Variants in PTPRM observed in about 807,000 individuals in gnomAD.
PTPRM encodes receptor-type tyrosine-protein phosphatase mu.
Under a neutral mutation model 186.7 loss-of-function variants are expected in PTPRM, and 47 were observed. That is an observed-to-expected ratio of 0.25 (90% CI 0.20 to 0.32). The LOEUF (loss-of-function observed/expected upper bound fraction) is 0.32. Among genes scored for constraint, PTPRM ranks in the 10% least tolerant of loss-of-function variants. PTPRM has a pLI of 1.00. For synonymous variants in PTPRM, 668 were observed against 674.9 expected (o/e 0.99, Z 0.16); for missense variants, 1,494 against 1,865.0 (o/e 0.80, Z 3.66).
Position 7,802,917 on chromosome 18 carries a change from C to A in PTPRM, c.196+28646C>A, listed in dbSNP as rs533184523. Among the ~76,000 whole-genome samples the A allele has an allele frequency of 2.6e-5, 4 of 152,196 alleles. No homozygotes were observed. In the Middle Eastern group the frequency reaches 0.014, roughly 518 times the overall value. ...TTACTGGGGATATAGACAAATAATT[C>A]TAATTGTATAATGGCAGTTAGAATT... On this transcript the variant is annotated intron_variant, in intron 2 of 32. Transcript: ENST00000580170.
chr18:7,879,064 A>G (rs2048373519), intron 2 of PTPRM, among the ~76,000 whole-genome samples: 1 of 152,190 alleles, frequency 6.6e-6, no homozygotes, highest in Non-Finnish European at 1.5e-5. Flanking sequence ...TACAAAGCTC[A>G]CACCTAGTAT....
At chr18:7,841,934 A>AT (rs1446073752) in intron 2 of PTPRM, among the ~76,000 whole-genome samples, 5 of 96,022 alleles carry the variant, frequency 5.2e-5, no homozygotes, top group African/African-American at 1.4e-4. Context: ...AATTTATGTT[A>AT]TTATTTTTTT....
Position 8,244,093 on chromosome 18 carries a change from G to C in PTPRM, c.2336G>C (p.Ser779Thr). 6.2e-7 allele frequency: 1 copy of C among 1,609,344 alleles called. No homozygotes were observed. Among genetic ancestry groups the C allele is most frequent in the Non-Finnish European group, 8.5e-7 (1 of 1,178,590 alleles). Residue 779 changes from serine (S) to threonine (T), a missense_variant, in exon 15 of 33, where the codon AGC becomes ACC. Coordinates refer to ENST00000580170, the MANE Select transcript of PTPRM (RefSeq NM_001105244.2). Reference sequence around the variant, plus strand: ...AAGAAGCGGAAAGAGACCATGAGCAGCACCCGACAGGAGATGACTGTGATG... The same window carrying C: ...AAGAAGCGGAAAGAGACCATGAGCACCACCCGACAGGAGATGACTGTGATG... ...LAKKRKETMS[S>T]TRQEMTVMVN...
At chr18:8,209,632 C>T (rs1010977503) in intron 14 of PTPRM, among the ~76,000 whole-genome samples, 12 of 151,958 alleles carry the variant, frequency 7.9e-5, no homozygotes, top group African/African-American at 2.7e-4. Flanking sequence ...CCGAAGGTGA[C>T]CTTATTTGGA....
chr18:8,366,644 T>C (rs999320643), intron 23 of PTPRM, among the ~76,000 whole-genome samples: 1 of 152,192 alleles, frequency 6.6e-6, no homozygotes. Flanking sequence ...CTGTGCTGTT[T>C]CGTGTTTGTG....
Position 7,914,643 on chromosome 18 carries a change from G to C in PTPRM, c.547+8060G>C, listed in dbSNP as rs547266898. Among the ~76,000 whole-genome samples, 43 of 152,198 alleles carry C rather than the reference G, an allele frequency of 2.8e-4. No individual in the cohort carries two copies. The South Asian group carries it at 8.7e-3, about 31-fold the overall frequency. The stretch of plus-strand genomic sequence containing the variant: ...TTATTATTATTAGGCACTACATTGT[G>C]ATAGACTTGCTAGAATTAGTTAGCT... On this transcript the variant is annotated intron_variant, in intron 4 of 32. Transcript: ENST00000580170.
chr18:7,666,430 A>G (rs1489853565), intron 1 of PTPRM, among the ~76,000 whole-genome samples: 1 of 152,224 alleles, frequency 6.6e-6, no homozygotes, highest in Admixed American at 6.5e-5. Context: ...AGCAGGTATC[A>G]GGGTGCTTTT....
At chr18:8,323,079 G>A (rs1401029272) in intron 22 of PTPRM, among the ~76,000 whole-genome samples, 10 of 152,022 alleles carry the variant, frequency 6.6e-5, no homozygotes, top group South Asian at 2.1e-4. Context: ...GCCTCCCACC[G>A]TGGCCTCCCA....
chr18:8,326,051 GT>G (rs1457500607), intron 22 of PTPRM, among the ~76,000 whole-genome samples: 2 of 152,120 alleles, frequency 1.3e-5, no homozygotes, highest in African/African-American at 4.8e-5. Context: ...ATTTGTTTAA[GT>G]TCCTTATAGA....
intron 5 of PTPRM, among the ~76,000 whole-genome samples, chr18:7,941,889 C>T (rs903668590): frequency 6.6e-6 from 1 of 152,116 alleles, no homozygotes; most frequent in Non-Finnish European, 1.5e-5. Context: ...AAATATGGTT[C>T]GACACTGGAG....
At chr18:7,780,302 A>G (rs2145064617) in intron 2 of PTPRM, among the ~76,000 whole-genome samples, 1 of 152,342 alleles carries the variant, frequency 6.6e-6, no homozygotes, top group African/African-American at 2.4e-5. Context: ...ACTGAAGTTC[A>G]GAAAAGGAAT....
At chr18:8,222,991 G>C (rs1011754953) in intron 14 of PTPRM, among the ~76,000 whole-genome samples, 2 of 152,118 alleles carry the variant, frequency 1.3e-5, no homozygotes, top group African/African-American at 4.8e-5. Context: ...GGGAGGCTGA[G>C]ACGGGCAGAT....
chr18:7,580,974 G>A (rs113241412), intron 1 of PTPRM, among the ~76,000 whole-genome samples: 38 of 152,284 alleles, frequency 2.5e-4, no homozygotes, highest in African/African-American at 7.9e-4. Context: ...ATTTCTTTCC[G>A]GTTCAGGGAA....
At chr18:7,984,572 C>CATATATATATATATAT (rs71354583) in intron 7 of PTPRM, among the ~76,000 whole-genome samples, 100 of 88,618 alleles carry the variant, frequency 1.1e-3, no homozygotes, top group Middle Eastern at 5.2e-3. Flanking sequence ...ATATATGCCC[C>CATATATATATATATAT]ATATATATAT....
At chr18:7,691,377 A>G (rs571460704) in intron 1 of PTPRM, among the ~76,000 whole-genome samples, 3 of 152,282 alleles carry the variant, frequency 2.0e-5, no homozygotes, top group African/African-American at 4.8e-5. Flanking sequence ...AGGAGACACC[A>G]TGTCTTAATT....
At chr18:8,232,354 T>C (rs1374902127) in intron 14 of PTPRM, among the ~76,000 whole-genome samples, 1 of 152,230 alleles carries the variant, frequency 6.6e-6, no homozygotes, top group Non-Finnish European at 1.5e-5. Context: ...CATTCACCTA[T>C]TGAAGGACAG....
At chr18:8,339,405 A>G (rs1891532165) in intron 22 of PTPRM, among the ~76,000 whole-genome samples, 1 of 152,162 alleles carries the variant, frequency 6.6e-6, no homozygotes, top group Admixed American at 6.5e-5. Context: ...TTGTGCAAAC[A>G]TCTGTAAACG....
intron 1 of PTPRM, among the ~76,000 whole-genome samples, chr18:7,732,477 A>G (rs2040680757): frequency 6.6e-6 from 1 of 152,194 alleles, no homozygotes; most frequent in Non-Finnish European, 1.5e-5. Context: ...ATCTTAATAA[A>G]TTATAATATT....
At chr18:8,387,868 G>A (rs1264308336) in intron 31 of PTPRM, among the ~76,000 whole-genome samples, 2 of 151,850 alleles carry the variant, frequency 1.3e-5, no homozygotes, top group Non-Finnish European at 2.9e-5. Flanking sequence ...TTTTGCAGGT[G>A]CTAAATATGG....
Sources: gnomAD v4.1 joint callset for allele counts (sites outside exome capture counted in the v4.1 genomes callset) on GRCh38, gnomAD v4.1.1 for gene constraint, MANE v1.5 for transcripts, NCBI Gene and HGNC (gene_info 2026-07-23, HGNC 2026-07-21) for gene names.